Variants in NPAS3 observed in about 807,000 individuals in gnomAD.
NPAS3 encodes neuronal PAS domain protein 3.
NPAS3 carries 14 observed loss-of-function variants against 73.1 expected under a neutral mutation model. The ratio of observed to expected loss-of-function variants is 0.19; its 90% confidence interval spans 0.13 to 0.30. The LOEUF (loss-of-function observed/expected upper bound fraction) is 0.30, where lower values mean the gene tolerates loss of function less well. Among genes scored for constraint, NPAS3 ranks in the 10% least tolerant of loss-of-function variants. NPAS3 has a pLI of 1.00. For synonymous variants in NPAS3, 620 were observed against 541.5 expected, an observed-to-expected ratio of 1.14 and a Z score of -2.01; for missense variants, 1,096 against 1,250.0, an observed-to-expected ratio of 0.88 and a Z score of 1.86.
rs373136069 is a variant in NPAS3 at position 33,295,744 on chromosome 14, A to T, written c.386-71442A>T. 1.6e-3 allele frequency among the ~76,000 whole-genome samples: 249 copies of T among 152,340 alleles called. 7 individuals carry two copies. The South Asian group carries it at 0.048, about 30-fold the overall frequency. On this transcript the variant is annotated intron_variant, in intron 3 of 11. Transcript: ENST00000356141. ...GTATTTATAGAGTCCATAAGGAGTT[A>T]TATCGGTTCAAACATTTCTCCTAAA...
At chr14:33,053,224 A>G (rs2040773169) in intron 1 of NPAS3, among the ~76,000 whole-genome samples, 1 of 152,170 alleles carries the variant, frequency 6.6e-6, no homozygotes. Context: ...CATTCTCATG[A>G]TAAGTTGCTT....
At chr14:33,027,098 C>T (rs1222458589) in intron 1 of NPAS3, among the ~76,000 whole-genome samples, 1 of 152,130 alleles carries the variant, frequency 6.6e-6, no homozygotes, top group Non-Finnish European at 1.5e-5. Context: ...GTTACCAAAA[C>T]GCTTCTAATT....
intron 2 of NPAS3, among the ~76,000 whole-genome samples, chr14:33,196,682 T>C (rs1362657967): frequency 6.6e-6 from 1 of 152,256 alleles, no homozygotes; most frequent in East Asian, 1.9e-4. Flanking sequence ...TCCTTATTCC[T>C]GCCTTTCATG....
At chr14:33,620,042 C>A (rs146834631) in intron 5 of NPAS3, among the ~76,000 whole-genome samples, 1 of 152,274 alleles carries the variant, frequency 6.6e-6, no homozygotes, top group East Asian at 1.9e-4. Context: ...TTTAATTGAT[C>A]TGAGGCTCAT....
At chr14:33,772,212 G>A (rs540820267) in intron 7 of NPAS3, among the ~76,000 whole-genome samples, 18 of 152,266 alleles carry the variant, frequency 1.2e-4, no homozygotes, top group South Asian at 6.2e-4. Context: ...TATAGTCACC[G>A]TTATCTCCAT....
intron 7 of NPAS3, among the ~76,000 whole-genome samples, chr14:33,749,971 C>G (rs998649416): frequency 6.6e-6 from 1 of 152,174 alleles, no homozygotes; most frequent in Non-Finnish European, 1.5e-5. Context: ...CCCAAAGAAT[C>G]TTTTCTCTCT....
At chr14:33,074,372 G>GAC (rs1171464211) in intron 2 of NPAS3, among the ~76,000 whole-genome samples, 4 of 152,146 alleles carry the variant, frequency 2.6e-5, no homozygotes, top group African/African-American at 9.7e-5. Flanking sequence ...GTACCAATCA[G>GAC]ACATGACACA....
rs1192348489 is a variant in NPAS3 at position 33,484,647 on chromosome 14, A to G, written c.469-75474A>G. ...GGATTTCAAAGTAGTCACACAGATCACATTCAAGTATCCCCTGAGTTAAAA... is the reference window on the plus strand; with the variant it reads ...GGATTTCAAAGTAGTCACACAGATCGCATTCAAGTATCCCCTGAGTTAAAA... On this transcript the variant is annotated intron_variant, in intron 4 of 11. Transcript: ENST00000356141. Among the ~76,000 whole-genome samples the G allele has an allele frequency of 3.3e-5, 5 of 152,234 alleles. No individual in the cohort carries two copies. The South Asian group carries it at 1.0e-3, about 32-fold the overall frequency.
At chr14:33,152,117 T>G (rs1250438665) in intron 2 of NPAS3, among the ~76,000 whole-genome samples, 1 of 151,958 alleles carries the variant, frequency 6.6e-6, no homozygotes, top group African/African-American at 2.4e-5. Flanking sequence ...TTGTATCTAG[T>G]GGGTAGAGGC....
chr14:33,144,187 A>C (rs2044158169), intron 2 of NPAS3, among the ~76,000 whole-genome samples: 1 of 152,134 alleles, frequency 6.6e-6, no homozygotes, highest in South Asian at 2.1e-4. Context: ...GAAATTCAGA[A>C]TTTTCTAATG....
In NPAS3 at chr14:33,637,522, C is replaced by T. The variant is rs147913247; in HGVS notation, c.559-38689C>T. The stretch of plus-strand genomic sequence containing the variant: ...ATCAAGGAAAAAATAGATTATACAT[C>T]GTTCAGGAAGGGGAAAAAAGTTATA... On this transcript the variant is annotated intron_variant, in intron 5 of 11. Coordinates refer to ENST00000356141, the Ensembl canonical transcript of NPAS3. Among the ~76,000 whole-genome samples the T allele has an allele frequency of 1.7e-3, 253 of 152,176 alleles. 1 individual carries two copies. Among genetic ancestry groups the T allele is most frequent in the South Asian group, 6.4e-3 (31 of 4,822 alleles).
chr14:33,246,759 A>G (rs1454529364), intron 3 of NPAS3, among the ~76,000 whole-genome samples: 1 of 146,306 alleles, frequency 6.8e-6, no homozygotes, highest in Non-Finnish European at 1.5e-5. Flanking sequence ...CTGGGAGCCC[A>G]AGGCGGGTGG....
At chr14:33,445,721 C>G (rs1311054008) in intron 4 of NPAS3, among the ~76,000 whole-genome samples, 1 of 152,214 alleles carries the variant, frequency 6.6e-6, no homozygotes, top group Non-Finnish European at 1.5e-5. Context: ...TTTATTCTCT[C>G]TTCAAGTCAA....
intron 5 of NPAS3, among the ~76,000 whole-genome samples, chr14:33,647,955 C>T (rs1595359150): frequency 6.6e-6 from 1 of 152,200 alleles, no homozygotes; most frequent in East Asian, 1.9e-4. Context: ...AATTGCCCAT[C>T]TTCATAACAA....
intron 4 of NPAS3, among the ~76,000 whole-genome samples, chr14:33,505,787 T>C (rs1208319153): frequency 6.6e-6 from 1 of 151,934 alleles, no homozygotes; most frequent in Admixed American, 6.6e-5. Context: ...TGATGTCCAT[T>C]GGCCTTCAAG....
At chr14:33,508,954 T>C (rs1156803206) in intron 4 of NPAS3, among the ~76,000 whole-genome samples, 1 of 151,984 alleles carries the variant, frequency 6.6e-6, no homozygotes, top group Non-Finnish European at 1.5e-5. Flanking sequence ...TCTCTGTTCA[T>C]GCTCTAAGAG....
At chr14:33,718,865 C>T (rs1272291250) in intron 6 of NPAS3, among the ~76,000 whole-genome samples, 2 of 152,124 alleles carry the variant, frequency 1.3e-5, no homozygotes, top group Admixed American at 1.3e-4. Flanking sequence ...GTGGCTCACA[C>T]CTGTAATGAC....
chr14:32,999,250 G>A (rs1020354743), intron 1 of NPAS3, among the ~76,000 whole-genome samples: 2 of 152,136 alleles, frequency 1.3e-5, no homozygotes, highest in African/African-American at 2.4e-5. Context: ...GGTGGCTCAT[G>A]CCTGTAATCC....
At chr14:33,187,396 T>C (rs2046016142) in intron 2 of NPAS3, among the ~76,000 whole-genome samples, 2 of 152,356 alleles carry the variant, frequency 1.3e-5, no homozygotes, top group Non-Finnish European at 2.9e-5. Flanking sequence ...GATCATTCTT[T>C]AGTTGTAACT....
Sources: gnomAD v4.1 joint callset for allele counts (sites outside exome capture counted in the v4.1 genomes callset) on GRCh38, gnomAD v4.1.1 for gene constraint, MANE v1.5 for transcripts, NCBI Gene and HGNC (gene_info 2026-07-23, HGNC 2026-07-21) for gene names.